TMEM123: variants seen among roughly 807,000 people sequenced by gnomAD.
TMEM123 encodes the protein transmembrane protein 123, also known as porimin.
Under a neutral mutation model 19.7 loss-of-function variants are expected in TMEM123, and 16 were observed. That is an observed-to-expected ratio of 0.81 (90% CI 0.55 to 1.23). TMEM123 has a LOEUF of 1.23. TMEM123 is among the 50% of genes most tolerant of loss of function. The pLI, the probability that TMEM123 is intolerant of heterozygous loss-of-function variation, is 0.00. For missense variants in TMEM123, 313 were observed against 257.8 expected, an observed-to-expected ratio of 1.21 and a Z score of -1.47; for synonymous variants, 118 against 99.4, an observed-to-expected ratio of 1.19 and a Z score of -1.12.
intron 2 of TMEM123, among the ~76,000 whole-genome samples, chr11:102,408,770 A>G (rs1392756911): frequency 6.6e-6 from 1 of 152,218 alleles, no homozygotes; most frequent in Admixed American, 6.5e-5. Flanking sequence ...GTAACATCTT[A>G]TGGAAGAACA....
chr11:102,435,257 A>G (rs1409989417), intron 2 of TMEM123, among the ~76,000 whole-genome samples: 5 of 152,108 alleles, frequency 3.3e-5, no homozygotes, highest in Middle Eastern at 3.4e-3. Context: ...CAAGCTAACA[A>G]AAAGACAACC....
intron 2 of TMEM123, among the ~76,000 whole-genome samples, chr11:102,419,092 T>C (rs1363973813): frequency 6.6e-6 from 1 of 152,106 alleles, no homozygotes; most frequent in African/African-American, 2.4e-5. Flanking sequence ...TGAAATAATC[T>C]GTACACCAAA....
intron 3 of TMEM123, 39 bp downstream of exon 3, chr11:102,401,877 T>G: frequency 6.3e-7 from 1 of 1,590,882 alleles, no homozygotes; most frequent in Non-Finnish European, 8.6e-7. Flanking sequence ...ATTTAACTAC[T>G]TGCAGCATAG....
chr11:102,451,628 T>C (rs1436833718), intron 1 of TMEM123, among the ~76,000 whole-genome samples: 1 of 152,216 alleles, frequency 6.6e-6, no homozygotes, highest in Non-Finnish European at 1.5e-5. Context: ...GACCATTACC[T>C]AGGGACCTGA....
At chr11:102,433,551 T>A (rs1857733839) in intron 2 of TMEM123, among the ~76,000 whole-genome samples, 1 of 151,892 alleles carries the variant, frequency 6.6e-6, no homozygotes, top group Admixed American at 6.6e-5. Context: ...TTGCCTTATC[T>A]CAGTTGAGAT....
At chr11:102,432,781 C>G (rs1857725050) in intron 2 of TMEM123, among the ~76,000 whole-genome samples, 1 of 152,232 alleles carries the variant, frequency 6.6e-6, no homozygotes. Flanking sequence ...CCCAGGGGCC[C>G]CCTGCTCTAT....
chr11:102,434,494 C>T (rs539417553), intron 2 of TMEM123, among the ~76,000 whole-genome samples: 1 of 151,902 alleles, frequency 6.6e-6, no homozygotes, highest in African/African-American at 2.4e-5. Flanking sequence ...AATACTAACC[C>T]TTTAACAAAT....
intron 2 of TMEM123, among the ~76,000 whole-genome samples, chr11:102,432,942 GAAGTC>G (rs1241014516): frequency 6.7e-6 from 1 of 148,412 alleles, no homozygotes; most frequent in Non-Finnish European, 1.5e-5. Context: ...TGGGTGCACA[GAAGTC>G]AAGAATTGAG....
intron 4 of TMEM123, 27 bp from the exon 5 acceptor site, chr11:102,398,918 CTT>C (rs746102066): frequency 8.8e-6 from 14 of 1,597,116 alleles, no homozygotes; most frequent in Non-Finnish European, 1.1e-5. Flanking sequence ...GTTACAATTA[CTT>C]TGTTTTGTTT....
rs987204767 is a variant in TMEM123, at chr11:102,409,588, C to T, written c.158-7382G>A. ...GATCTTTTAAAAAACCTAGACAGGCCGGGTGTGGTGGCTCATACCTGTAAT... is the reference window on the plus strand; with the variant it reads ...GATCTTTTAAAAAACCTAGACAGGCTGGGTGTGGTGGCTCATACCTGTAAT... On this transcript the variant is annotated intron_variant, in intron 2 of 4. Transcript: ENST00000398136. Among the ~76,000 whole-genome samples, 9 of 152,002 alleles carry T rather than the reference C, an allele frequency of 5.9e-5. 1 individual carries two copies. Among genetic ancestry groups the T allele is most frequent in the Middle Eastern group, 6.8e-3 (2 of 294 alleles).
At position 102,402,121 on chromosome 11, in the gene TMEM123, G is replaced by A; in HGVS notation, c.243C>T (p.Ser81=). Residue 81 remains serine, a synonymous_variant, in exon 3 of 5, where the codon TCC becomes TCT. Transcript: ENST00000398136. ...VKPPTSVASD[S]SNTTVTTMKP... ...TCATGGTGGTGACCGTTGTATTACT[G>A]GAGTCTGAGGCAACTGAAGTTGGTG... 1 of 1,614,124 alleles carries A rather than the reference G, an allele frequency of 6.2e-7. No homozygotes were observed.
rs771858009 is a variant in TMEM123 at position 102,452,592 on chromosome 11, G to C, written c.32C>G (p.Ala11Gly). The change falls in exon 1 of 5, where the codon GCG becomes GGG. Residue 11 changes from alanine to glycine, a missense_variant. Physicochemically the swap from Ala to Gly is moderately conservative, Grantham distance 60 (BLOSUM62 0). Coordinates refer to ENST00000398136, the MANE Select transcript of TMEM123 (RefSeq NM_052932.3). ...CACCTGCAGCGTCCCCAGGAGCAGC[G>C]CGGCCCAAGCACCTCGCGCGCCGAG... is the stretch of plus-strand genomic sequence containing the variant. MGLGARGAWA[A>G]LLLGTLQVLA... is the part of the protein sequence containing the mutation. 6.4e-7 allele frequency: 1 copy of C among 1,568,458 alleles called. No homozygotes were observed. Among genetic ancestry groups the C allele is most frequent in the African/African-American group, 1.4e-5 (1 of 73,056 alleles).
intron 2 of TMEM123, among the ~76,000 whole-genome samples, chr11:102,412,035 T>C (rs1385455975): frequency 1.3e-5 from 2 of 152,192 alleles, no homozygotes; most frequent in Non-Finnish European, 2.9e-5. Flanking sequence ...TGCTTTGTTA[T>C]GTTACTTCAG....
At chr11:102,423,523 C>G (rs565981238) in intron 2 of TMEM123, among the ~76,000 whole-genome samples, 26 of 152,324 alleles carry the variant, frequency 1.7e-4, no homozygotes, top group African/African-American at 5.3e-4. Flanking sequence ...GCAAGCCACA[C>G]TGGAAGAAAA....
At chr11:102,409,729 C>T (rs1417339993) in intron 2 of TMEM123, among the ~76,000 whole-genome samples, 2 of 151,836 alleles carry the variant, frequency 1.3e-5, no homozygotes, top group Non-Finnish European at 2.9e-5. Flanking sequence ...TAAAAATTAG[C>T]TGGGCATGGT....
At chr11:102,421,053 AAAC>A (rs1952081858) in intron 2 of TMEM123, among the ~76,000 whole-genome samples, 1 of 152,174 alleles carries the variant, frequency 6.6e-6, no homozygotes, top group African/African-American at 2.4e-5. Flanking sequence ...TCTCGAAAGA[AAAC>A]AACAACAAAA....
At chr11:102,429,021 C>T (rs770735018) in intron 2 of TMEM123, among the ~76,000 whole-genome samples, 4 of 152,252 alleles carry the variant, frequency 2.6e-5, no homozygotes, top group East Asian at 1.9e-4. Flanking sequence ...TGGGTAGGCA[C>T]GAGATTCAAA....
chr11:102,433,351 A>G (rs1450523220), intron 2 of TMEM123, among the ~76,000 whole-genome samples: 1 of 151,944 alleles, frequency 6.6e-6, no homozygotes, highest in Admixed American at 6.6e-5. Flanking sequence ...GTCATAGGAA[A>G]TCATTTTGGA....
chr11:102,401,439 A>C, intron 4 of TMEM123, 100 bp downstream of exon 4: 1 of 1,127,676 alleles, frequency 8.9e-7, no homozygotes, highest in Non-Finnish European at 1.2e-6. Context: ...AAATCTATCA[A>C]TTATTCATCC....
Sources: allele counts gnomAD v4.1 joint callset (sites outside exome capture counted in the v4.1 genomes callset), GRCh38; gene constraint gnomAD v4.1.1; transcripts MANE v1.5; gene names NCBI Gene and HGNC (gene_info 2026-07-23, HGNC 2026-07-21).